The following RBMS1 variants were observed in gnomAD, a reference collection of about 807,000 sequenced individuals.
RBMS1 encodes the protein RNA binding motif single stranded interacting protein 1, also known as RNA-binding motif, single-stranded-interacting protein 1.
In RBMS1, 17 loss-of-function variants were observed where a neutral mutation model predicts 62.3. That is an observed-to-expected ratio of 0.27 (90% CI 0.19 to 0.41). The LOEUF (loss-of-function observed/expected upper bound fraction) is 0.41. Ranked by LOEUF, RBMS1 falls within the 10% of genes least tolerant of loss-of-function variation. RBMS1 has a pLI of 1.00. For synonymous variants in RBMS1, 172 were observed against 170.0 expected (o/e 1.01, Z -0.09); for missense variants, 334 against 504.5 (o/e 0.66, Z 3.24).
intron 1 of RBMS1, among the ~76,000 whole-genome samples, chr2:160,433,447 TAAAAC>T (rs969182326): frequency 2.0e-5 from 3 of 152,218 alleles, no homozygotes; most frequent in African/African-American, 7.2e-5. Context: ...AAAAAAACTT[TAAAAC>T]AAGTTTGTTC....
At chr2:160,410,449 C>G (rs1391224990) in intron 1 of RBMS1, among the ~76,000 whole-genome samples, 1 of 151,734 alleles carries the variant, frequency 6.6e-6, no homozygotes, top group African/African-American at 2.4e-5. Context: ...GATTGTCTAC[C>G]CTCAACAAAA....
chr2:160,359,836 T>G (rs1693025528), intron 2 of RBMS1, among the ~76,000 whole-genome samples: 1 of 152,218 alleles, frequency 6.6e-6, no homozygotes, highest in Admixed American at 6.5e-5. Context: ...ATGGATTGCT[T>G]AAGAAATCTT....
At chr2:160,406,316 ATGACTC>A (rs1179769756) in intron 1 of RBMS1, among the ~76,000 whole-genome samples, 4 of 152,248 alleles carry the variant, frequency 2.6e-5, no homozygotes, top group African/African-American at 9.6e-5. Context: ...ACAAAAAAGA[ATGACTC>A]TGACGACAAC....
At chr2:160,281,825 C>A (rs1167899275) in intron 9 of RBMS1, 2 of 169,366 alleles carry the variant, frequency 1.2e-5, no homozygotes, top group East Asian at 1.6e-4. Context: ...TACAAAAAAC[C>A]AAATTCAATT....
intron 1 of RBMS1, among the ~76,000 whole-genome samples, chr2:160,441,103 A>G (rs1222028846): frequency 6.6e-6 from 1 of 152,226 alleles, no homozygotes; most frequent in East Asian, 1.9e-4. Context: ...TCTGGATTTC[A>G]TGTAGATGAA....
intron 9 of RBMS1, 72 bp from the exon 10 acceptor site, chr2:160,281,436 T>C: frequency 8.3e-7 from 1 of 1,203,160 alleles, no homozygotes; most frequent in South Asian, 1.3e-5. Flanking sequence ...TAGAACTCTT[T>C]TTAATCATGT....
intron 1 of RBMS1, among the ~76,000 whole-genome samples, chr2:160,444,560 C>G (rs1294500350): frequency 6.6e-6 from 1 of 152,210 alleles, no homozygotes; most frequent in African/African-American, 2.4e-5. Context: ...AAAAGGGCAA[C>G]TTGCCCCGGA....
chr2:160,281,880 G>A lies in RBMS1; in HGVS notation c.901-516C>T, dbSNP rs543033993. 1.5e-4 allele frequency: 27 copies of A among 181,332 alleles called. 1 individual carries two copies. The South Asian group carries it at 3.1e-3, about 21-fold the overall frequency. The allele number at this position is 181,332 out of a possible 1,614,324, so 11.2% of individuals were successfully genotyped here. ...ATTAATTTTAGAAATCTTGTATTGT[G>A]GTCAACAATTTCTACTTAGTGCAGA... On this transcript the variant is annotated intron_variant, in intron 9 of 13. Transcript: ENST00000348849.
intron 2 of RBMS1, among the ~76,000 whole-genome samples, chr2:160,342,440 T>G: frequency 6.6e-6 from 1 of 152,040 alleles, no homozygotes; most frequent in Non-Finnish European, 1.5e-5. Flanking sequence ...AGACACTCAC[T>G]CCACCCGGAA....
At chr2:160,339,609 T>C (rs1286031047) in intron 2 of RBMS1, among the ~76,000 whole-genome samples, 2 of 152,268 alleles carry the variant, frequency 1.3e-5, no homozygotes, top group East Asian at 3.9e-4. Context: ...AGGTTCTTAT[T>C]GAAAGGTCCA....
At chr2:160,455,347 A>G (rs1313279294) in intron 1 of RBMS1, among the ~76,000 whole-genome samples, 1 of 152,248 alleles carries the variant, frequency 6.6e-6, no homozygotes, top group Admixed American at 6.5e-5. Context: ...ATTATGTCAG[A>G]AAAAGTAGAT....
intron 1 of RBMS1, among the ~76,000 whole-genome samples, chr2:160,457,899 A>G (rs181826098): frequency 6.6e-6 from 1 of 152,222 alleles, no homozygotes; most frequent in East Asian, 1.9e-4. Context: ...ATATGCAAAA[A>G]ATAAAGGTTT....
intron 1 of RBMS1, among the ~76,000 whole-genome samples, chr2:160,455,561 G>A (rs1194958234): frequency 6.6e-6 from 1 of 152,152 alleles, no homozygotes. Flanking sequence ...TTACTGCTTG[G>A]GAGGAAAATT....
chr2:160,429,709 C>A (rs13431440), intron 1 of RBMS1, among the ~76,000 whole-genome samples: 32,977 of 152,074 alleles, frequency 0.22, 3,912 homozygotes, highest in African/African-American at 0.3. Flanking sequence ...CATTCTTATT[C>A]ATTGGGATTG....
intron 2 of RBMS1, 46 bp from the exon 3 acceptor site, chr2:160,318,273 A>G (rs1358931956): frequency 6.7e-7 from 1 of 1,495,666 alleles, no homozygotes; most frequent in African/African-American, 1.4e-5. Flanking sequence ...AAAAGAAAGA[A>G]AAAGAAGTTA....
intron 2 of RBMS1, among the ~76,000 whole-genome samples, chr2:160,334,316 A>G (rs1204983555): frequency 6.6e-6 from 1 of 152,204 alleles, no homozygotes; most frequent in Non-Finnish European, 1.5e-5. Flanking sequence ...GTGGGCAGTC[A>G]GAGTAAAAAC....
At chr2:160,286,031 A>G (rs1435448437) in intron 7 of RBMS1, among the ~76,000 whole-genome samples, 1 of 152,072 alleles carries the variant, frequency 6.6e-6, no homozygotes, top group African/African-American at 2.4e-5. Context: ...GAATGGCATG[A>G]ACCCAGGAGG....
chr2:160,462,042 A>C (rs1003425945), intron 1 of RBMS1, among the ~76,000 whole-genome samples: 1 of 148,438 alleles, frequency 6.7e-6, no homozygotes, highest in Non-Finnish European at 1.5e-5. Context: ...AACAGACAGC[A>C]CAAGAGTTAT....
At chr2:160,427,743 GGTGCCT>G (rs1682698557) in intron 1 of RBMS1, among the ~76,000 whole-genome samples, 1 of 152,080 alleles carries the variant, frequency 6.6e-6, no homozygotes, top group Admixed American at 6.5e-5. Context: ...ATCTCAGCAG[GGTGCCT>G]GTGTCCAGTT....
Sources: allele counts gnomAD v4.1 joint callset (sites outside exome capture counted in the v4.1 genomes callset), GRCh38; gene constraint gnomAD v4.1.1; transcripts MANE v1.5; gene names NCBI Gene and HGNC (gene_info 2026-07-23, HGNC 2026-07-21).